The following GRIP1 variants were observed in gnomAD, a reference collection of about 807,000 sequenced individuals.
GRIP1 encodes the protein glutamate receptor interacting protein 1.
Under a neutral mutation model 129.9 loss-of-function variants are expected in GRIP1, and 45 were observed. The observed-to-expected ratio is 0.35, with a 90% CI of 0.27 to 0.44. The LOEUF is 0.44. Among genes scored for constraint, GRIP1 ranks in the 20% least tolerant of loss-of-function variants. The pLI is 1.00. For synonymous variants in GRIP1, 530 were observed against 520.8 expected, an observed-to-expected ratio of 1.02 and a Z score of -0.24; for missense variants, 1,196 against 1,396.8, an observed-to-expected ratio of 0.86 and a Z score of 2.29.
At chr12:66,873,111 A>C (rs1327955168) in intron 1 of GRIP1, among the ~76,000 whole-genome samples, 1 of 152,096 alleles carries the variant, frequency 6.6e-6, no homozygotes, top group Non-Finnish European at 1.5e-5. Context: ...GCCTCAAGGC[A>C]ATCAGATTTG....
At chr12:66,848,202 C>T (rs2039851800) in intron 1 of GRIP1, among the ~76,000 whole-genome samples, 1 of 151,538 alleles carries the variant, frequency 6.6e-6, no homozygotes, top group Non-Finnish European at 1.5e-5. Context: ...CCTCATTCTT[C>T]TTCCCTCCTT....
chr12:66,420,930 A>G (rs1013015503), intron 14 of GRIP1, 141 bp from the exon 15 acceptor site: 4 of 634,696 alleles, frequency 6.3e-6, no homozygotes, highest in Non-Finnish European at 1.1e-5. Context: ...ATTAGGAAGT[A>G]TGCACATTAT....
In GRIP1 at chr12:66,390,005, T is replaced by C. The variant is rs116417543; in HGVS notation, c.2464+2303A>G. ...GTCAGGAGAAGAGGCTTTAGTCTAG[T>C]GCAGAATGACCTTGAGGGTATAGCC... is the stretch of plus-strand genomic sequence containing the variant. On this transcript the variant is annotated intron_variant, in intron 19 of 24. Coordinates refer to ENST00000359742, the MANE Select transcript of GRIP1 (RefSeq NM_001366722.1). 2.3e-3 allele frequency among the ~76,000 whole-genome samples: 344 copies of C among 152,320 alleles called. 2 individuals are homozygous for C. Among genetic ancestry groups the C allele is most frequent in the African/African-American group, 7.2e-3 (301 of 41,576 alleles).
chr12:67,050,730 C>T (rs193092150), intron 1 of GRIP1, among the ~76,000 whole-genome samples: 1 of 152,224 alleles, frequency 6.6e-6, no homozygotes, highest in East Asian at 1.9e-4. Flanking sequence ...CTACATTACC[C>T]TACAAGATGC....
intron 2 of GRIP1, among the ~76,000 whole-genome samples, chr12:66,555,256 C>A (rs1592541871): frequency 6.6e-6 from 1 of 152,188 alleles, no homozygotes; most frequent in Non-Finnish European, 1.5e-5. Context: ...AGAGTCTCTA[C>A]CTAGTAATCC....
At chr12:66,604,849 A>G (rs564148477) in intron 1 of GRIP1, among the ~76,000 whole-genome samples, 1 of 152,278 alleles carries the variant, frequency 6.6e-6, no homozygotes, top group East Asian at 1.9e-4. Context: ...TAAAAAGCAC[A>G]CTATTCTTCA....
intron 21 of GRIP1, 31 bp from the exon 22 acceptor site, chr12:66,377,092 C>A: frequency 6.3e-7 from 1 of 1,599,592 alleles, no homozygotes; most frequent in South Asian, 1.1e-5. Context: ...TTTAAATGAA[C>A]TGGTGTGAGA....
At position 66,532,399 on chromosome 12, in the gene GRIP1, A is replaced by T. The variant is rs560213597; in HGVS notation, c.419-2485T>A. 3.3e-5 allele frequency among the ~76,000 whole-genome samples: 5 copies of T among 152,170 alleles called. No individual in the cohort carries two copies. In the South Asian group the frequency reaches 1.0e-3, roughly 32 times the overall value. ...ATGCAAAAATTCTCCTCGGTCTTTC[A>T]ATTGTGCTGTTGTCCCTTCTTTCTA... On this transcript the variant is annotated intron_variant, in intron 4 of 24. Transcript: ENST00000359742.
chr12:66,584,990 C>T (rs1393406602), intron 2 of GRIP1, among the ~76,000 whole-genome samples: 1 of 152,094 alleles, frequency 6.6e-6, no homozygotes, highest in Non-Finnish European at 1.5e-5. Flanking sequence ...TGCCTTCCCT[C>T]CCGCTGACCC....
intron 5 of GRIP1, among the ~76,000 whole-genome samples, chr12:66,528,855 A>G (rs886370805): frequency 6.6e-6 from 1 of 152,176 alleles, no homozygotes; most frequent in Non-Finnish European, 1.5e-5. Flanking sequence ...AGATTTTTCT[A>G]ACCCAGAGAG....
chr12:66,965,887 T>C (rs548640919), intron 1 of GRIP1, among the ~76,000 whole-genome samples: 1 of 152,256 alleles, frequency 6.6e-6, no homozygotes, highest in African/African-American at 2.4e-5. Flanking sequence ...AAATGCAGTT[T>C]TGCAGTTTCT....
intron 11 of GRIP1, among the ~76,000 whole-genome samples, chr12:66,446,501 A>T (rs2058633874): frequency 6.6e-6 from 1 of 152,196 alleles, no homozygotes; most frequent in South Asian, 2.1e-4. Flanking sequence ...TGGCAGGAAG[A>T]CAGGTTCATA....
At chr12:67,021,480 T>C (rs1408522617) in intron 1 of GRIP1, among the ~76,000 whole-genome samples, 1 of 152,226 alleles carries the variant, frequency 6.6e-6, no homozygotes, top group Non-Finnish European at 1.5e-5. Flanking sequence ...TGAGTAGTGT[T>C]TGTTGTATGG....
At chr12:66,956,508 T>A (rs2041843628) in intron 1 of GRIP1, among the ~76,000 whole-genome samples, 1 of 152,226 alleles carries the variant, frequency 6.6e-6, no homozygotes, top group East Asian at 1.9e-4. Context: ...GAAGAGTGAA[T>A]CACTAAGTAC....
At chr12:66,912,260 G>A (rs2041043189) in intron 1 of GRIP1, among the ~76,000 whole-genome samples, 1 of 151,996 alleles carries the variant, frequency 6.6e-6, no homozygotes, top group Non-Finnish European at 1.5e-5. Context: ...CACATATAAT[G>A]TTATATCTAT....
intron 10 of GRIP1, 110 bp from the exon 11 acceptor site, chr12:66,455,674 C>T (rs12313497): frequency 7.1e-6 from 7 of 984,624 alleles, no homozygotes; most frequent in Non-Finnish European, 1.1e-5. Flanking sequence ...ATAGCAATGG[C>T]TAGGAAGGAC....
chr12:66,812,127 T>TTTTA (rs945891366), intron 1 of GRIP1, among the ~76,000 whole-genome samples: 20 of 152,294 alleles, frequency 1.3e-4, no homozygotes, highest in African/African-American at 4.8e-4. Flanking sequence ...TCCTTTTTAC[T>TTTTA]TTTATTTATT....
intron 15 of GRIP1, among the ~76,000 whole-genome samples, chr12:66,409,557 C>A (rs1023580197): frequency 1.3e-5 from 2 of 152,076 alleles, no homozygotes; most frequent in Non-Finnish European, 2.9e-5. Context: ...AGAAAGCCTT[C>A]CCAAGAAGGA....
chr12:66,846,088 G>T (rs1218328387), intron 1 of GRIP1, among the ~76,000 whole-genome samples: 1 of 152,118 alleles, frequency 6.6e-6, no homozygotes, highest in East Asian at 1.9e-4. Flanking sequence ...CTCCCTCCCT[G>T]CAAGAAGTAT....
Sources: gnomAD v4.1 joint callset for allele counts (sites outside exome capture counted in the v4.1 genomes callset) on GRCh38, gnomAD v4.1.1 for gene constraint, MANE v1.5 for transcripts, NCBI Gene and HGNC (gene_info 2026-07-23, HGNC 2026-07-21) for gene names.